PTPRR: variants seen among roughly 807,000 people sequenced by gnomAD.
PTPRR encodes the protein protein tyrosine phosphatase receptor type R, also known as receptor-type tyrosine-protein phosphatase R.
A neutral mutation model predicts 77.2 loss-of-function variants in PTPRR; 38 were observed. The ratio of observed to expected loss-of-function variants is 0.49; its 90% confidence interval spans 0.38 to 0.65. PTPRR has a LOEUF of 0.65. Ranked by LOEUF, PTPRR falls within the 30% of genes least tolerant of loss-of-function variation. The pLI is 0.00. For synonymous variants in PTPRR, 299 were observed against 283.1 expected, an observed-to-expected ratio of 1.06 and a Z score of -0.57; for missense variants, 744 against 799.2, an observed-to-expected ratio of 0.93 and a Z score of 0.83.
intron 1 of PTPRR, among the ~76,000 whole-genome samples, chr12:70,918,737 C>A (rs549231847): frequency 6.6e-6 from 1 of 152,248 alleles, no homozygotes; most frequent in South Asian, 2.1e-4. Context: ...ATATTGTTGG[C>A]AGACCAGCTA....
At chr12:70,885,465 A>G (rs1483290969) in intron 2 of PTPRR, among the ~76,000 whole-genome samples, 4 of 152,126 alleles carry the variant, frequency 2.6e-5, no homozygotes, top group African/African-American at 9.7e-5. Flanking sequence ...TAAAAAATAC[A>G]TGCATACCTG....
At chr12:70,858,652 T>C (rs1240948060) in intron 2 of PTPRR, among the ~76,000 whole-genome samples, 2 of 152,096 alleles carry the variant, frequency 1.3e-5, no homozygotes, top group South Asian at 2.1e-4. Context: ...CTATTTTCTA[T>C]TATTTCAATC....
intron 2 of PTPRR, among the ~76,000 whole-genome samples, chr12:70,821,134 A>G (rs1892000787): frequency 6.6e-6 from 1 of 151,540 alleles, no homozygotes; most frequent in Admixed American, 6.6e-5. Flanking sequence ...TCCTCCAAGA[A>G]AGGAGATGTG....
In PTPRR at chr12:70,646,415, T is replaced by C. The variant is rs539366248; in HGVS notation, c.1881-7138A>G. 1.9e-4 allele frequency among the ~76,000 whole-genome samples: 29 copies of C among 152,312 alleles called. 1 individual carries two copies. The South Asian group carries it at 4.1e-3, about 22-fold the overall frequency. ...TATTTGTAGGTCATAAAAATCAGCA[T>C]ATATCAAATGATAATTCAATTGATG... is the stretch of plus-strand genomic sequence containing the variant. On this transcript the variant is annotated intron_variant, in intron 13 of 13. Transcript: ENST00000283228.
intron 6 of PTPRR, among the ~76,000 whole-genome samples, chr12:70,733,671 CA>C (rs1250588587): frequency 6.6e-6 from 1 of 151,974 alleles, no homozygotes; most frequent in Admixed American, 6.6e-5. Context: ...AATCATGCTG[CA>C]TTGCTAAATG....
intron 10 of PTPRR, among the ~76,000 whole-genome samples, chr12:70,678,675 C>T (rs573335254): frequency 4.8e-4 from 73 of 151,986 alleles, no homozygotes; most frequent in Admixed American, 9.8e-4. Flanking sequence ...TTGTTCTTGT[C>T]CTTTTTTATT....
Position 70,919,271 on chromosome 12 carries a change from T to TG in PTPRR, c.58+1061dup, listed in dbSNP as rs1460581312. On this transcript the variant is annotated intron_variant, in intron 1 of 13. Coordinates refer to ENST00000283228, the MANE Select transcript of PTPRR (RefSeq NM_002849.4). ...AGCAAATGTTGCTTGAAGGAATGAA[T>TG]GGATATGTGTGATTGGATGAGAAGC... 2.6e-5 allele frequency among the ~76,000 whole-genome samples: 4 copies of TG among 152,312 alleles called. No homozygotes were observed. The East Asian group carries it at 7.7e-4, about 29-fold the overall frequency.
intron 2 of PTPRR, among the ~76,000 whole-genome samples, chr12:70,831,040 C>T (rs1423096370): frequency 6.6e-6 from 1 of 152,118 alleles, no homozygotes; most frequent in South Asian, 2.1e-4. Flanking sequence ...CATGACAACT[C>T]AACACAAGAA....
At position 70,719,821 on chromosome 12, in the gene PTPRR, T is replaced by C. The variant is rs182127591; in HGVS notation, c.1008-18498A>G. 5.9e-5 allele frequency among the ~76,000 whole-genome samples: 9 copies of C among 152,326 alleles called. No homozygotes were observed. In the East Asian group the frequency reaches 1.4e-3, roughly 23 times the overall value. ...CGGCTGCTCCACGTCAGCTTTAGGA[T>C]TGGTACGTGGCCCTTTCTTTGTTTA... is the stretch of plus-strand genomic sequence containing the variant. On this transcript the variant is annotated intron_variant, in intron 6 of 13. Transcript: ENST00000283228.
At chr12:70,677,985 T>C (rs1277257876) in intron 10 of PTPRR, among the ~76,000 whole-genome samples, 1 of 152,170 alleles carries the variant, frequency 6.6e-6, no homozygotes, top group Non-Finnish European at 1.5e-5. Flanking sequence ...TGGTATTCTT[T>C]AAATGTTTGG....
intron 2 of PTPRR, among the ~76,000 whole-genome samples, chr12:70,801,557 A>G (rs1249132721): frequency 2.6e-5 from 4 of 152,110 alleles, no homozygotes; most frequent in East Asian, 1.9e-4. Flanking sequence ...AACTTACACC[A>G]TTGCCTTTCT....
rs560307188 is a variant in PTPRR at position 70,820,675 on chromosome 12, G to A, written c.358-55897C>T. On this transcript the variant is annotated intron_variant, in intron 2 of 13. Transcript: ENST00000283228. ...GTCTCATCCTTGGGCTCTGCCTTTG[G>A]CCAGGCAAGAGGAGTTTCAGCAAGA... 4.9e-4 allele frequency among the ~76,000 whole-genome samples: 74 copies of A among 152,262 alleles called. 1 individual carries two copies. Among genetic ancestry groups the A allele is most frequent in the Admixed American group, 2.4e-3 (36 of 15,298 alleles).
chr12:70,803,369 C>A (rs994115024), intron 2 of PTPRR, among the ~76,000 whole-genome samples: 3 of 152,164 alleles, frequency 2.0e-5, no homozygotes, highest in Non-Finnish European at 4.4e-5. Flanking sequence ...CCAAAAGAAG[C>A]ACTCTTTGGG....
At chr12:70,784,931 A>G (rs956879543) in intron 2 of PTPRR, among the ~76,000 whole-genome samples, 4 of 152,210 alleles carry the variant, frequency 2.6e-5, no homozygotes, top group South Asian at 2.1e-4. Context: ...CTTTCACCAA[A>G]AGTCAATCAA....
At chr12:70,878,842 G>T (rs1351465752) in intron 2 of PTPRR, among the ~76,000 whole-genome samples, 1 of 152,152 alleles carries the variant, frequency 6.6e-6, no homozygotes, top group Non-Finnish European at 1.5e-5. Context: ...CAAAGACTTG[G>T]AACCAACCCA....
intron 13 of PTPRR, among the ~76,000 whole-genome samples, chr12:70,641,261 A>G (rs1332856795): frequency 6.6e-6 from 1 of 152,206 alleles, no homozygotes; most frequent in African/African-American, 2.4e-5. Context: ...CTTGAGCTGC[A>G]GACAGTATGT....
At chr12:70,768,500 A>G (rs998145452) in intron 2 of PTPRR, among the ~76,000 whole-genome samples, 4 of 152,234 alleles carry the variant, frequency 2.6e-5, no homozygotes, top group African/African-American at 9.6e-5. Flanking sequence ...TAGGATCTGA[A>G]ATTGTGGCAA....
chr12:70,839,855 A>G (rs899199417), intron 2 of PTPRR, among the ~76,000 whole-genome samples: 2 of 152,168 alleles, frequency 1.3e-5, no homozygotes, highest in Non-Finnish European at 2.9e-5. Context: ...TTAGAACCAG[A>G]TAAAACTACT....
intron 10 of PTPRR, among the ~76,000 whole-genome samples, chr12:70,670,758 C>T (rs1887194102): frequency 6.6e-6 from 1 of 152,214 alleles, no homozygotes; most frequent in African/African-American, 2.4e-5. Flanking sequence ...GCCACTATGT[C>T]TTCTCTAGCA....
Sources: allele counts gnomAD v4.1 joint callset (sites outside exome capture counted in the v4.1 genomes callset), GRCh38; gene constraint gnomAD v4.1.1; transcripts MANE v1.5; gene names NCBI Gene and HGNC (gene_info 2026-07-23, HGNC 2026-07-21).